Variants in ZNF853 observed in about 807,000 individuals in gnomAD.
ZNF853 encodes the protein zinc finger protein 853.
Under a neutral mutation model 94.7 loss-of-function variants are expected in ZNF853, and 57 were observed. That is an observed-to-expected ratio of 0.60 (90% CI 0.49 to 0.75). The LOEUF is 0.75. Among genes scored for constraint, ZNF853 ranks in the 30% least tolerant of loss-of-function variants. The pLI is 0.00. For missense variants in ZNF853, 785 were observed against 868.9 expected (o/e 0.90, Z 1.21); for synonymous variants, 448 against 406.3 (o/e 1.10, Z -1.23).
At chr7:6,616,773 G>C in intron 1 of ZNF853, among the ~76,000 whole-genome samples, 1 of 151,670 alleles carries the variant, frequency 6.6e-6, no homozygotes, top group Admixed American at 6.6e-5. Context: ...AAAAAGAATT[G>C]AAGGAGGCAG....
chr7:6,617,579 T>C, intron 2 of ZNF853: 38 of 985,166 alleles, frequency 3.9e-5, no homozygotes, highest in Non-Finnish European at 4.5e-5. Context: ...CTGTGTTTCC[T>C]GGCAGCCAGA....
chr7:6,623,038 G>A lies in ZNF853; in HGVS notation c.*67G>A. On this transcript the variant is annotated 3_prime_UTR_variant, in exon 3 of 3. Transcript: ENST00000457543. ...CCCGCCTCCACCTGAAAAGCTCCTT[G>A]ACCCGGGTTCATGGGCGCTGGAGGC... 1 of 1,229,592 alleles carries A rather than the reference G, an allele frequency of 8.1e-7. No homozygotes were observed. Among genetic ancestry groups the A allele is most frequent in the Non-Finnish European group, 1.0e-6 (1 of 985,292 alleles). The allele number at this position is 1,229,592 out of a possible 1,614,324, so 76.2% of individuals were successfully genotyped here. A position where few individuals can be genotyped will look rare whatever the true frequency, so the allele number is the denominator to read the frequency against.
chr7:6,616,964 G>A, intron 1 of ZNF853, among the ~76,000 whole-genome samples: 1 of 152,214 alleles, frequency 6.6e-6, no homozygotes, highest in South Asian at 2.1e-4. Flanking sequence ...CTCTATGCAG[G>A]TGACAGCCTC....
In ZNF853 at chr7:6,621,527, CGCA is replaced by C; in HGVS notation, c.540_542del (p.Gln181del). The C allele has an allele frequency of 6.4e-7, 1 of 1,550,884 alleles. No individual in the cohort carries two copies. Among genetic ancestry groups the C allele is most frequent in the Non-Finnish European group, 8.7e-7 (1 of 1,146,746 alleles). ...CAGCAGCAGCAGGAGCAGTTACAGA[CGCA>C]GCAAGCACAAGAGCAACAGGTATTG... On this transcript the variant is annotated inframe_deletion, in exon 3 of 3. Coordinates refer to ENST00000457543, the MANE Select transcript of ZNF853 (RefSeq NM_017560.3).
In ZNF853 at chr7:6,623,308, G is replaced by A; in HGVS notation, c.*337G>A. On this transcript the variant is annotated 3_prime_UTR_variant, in exon 3 of 3. Transcript: ENST00000457543. ...AACGAGGAAAAACCCCCAGTGGCGA[G>A]ACGATTAATGACACTGGCCGAGGAC... is the stretch of plus-strand genomic sequence containing the variant. 2.5e-6 allele frequency: 1 copy of A among 398,588 alleles called. No individual in the cohort carries two copies. Among genetic ancestry groups the A allele is most frequent in the Middle Eastern group, 6.3e-4 (1 of 1,588 alleles). 24.7% of individuals were successfully genotyped at this position (398,588 alleles called of 1,614,324 possible). A position where few individuals can be genotyped will look rare whatever the true frequency, so the allele number is the denominator to read the frequency against.
At position 6,621,609 on chromosome 7, in the gene ZNF853, A is replaced by G. The variant is rs1782607710; in HGVS notation, c.618A>G (p.Gln206=). The G allele has an allele frequency of 6.4e-7, 1 of 1,551,338 alleles. No individual in the cohort carries two copies. Among genetic ancestry groups the G allele is most frequent in the African/African-American group, 1.4e-5 (1 of 73,150 alleles). ...TGCAAGAGCAACAGCTGTTACAGCA[A>G]CAGCAGGAACAGTTACAGCAGCAGC... ...QQVQEQQLLQ[Q]QQEQLQQQQL... Residue 206 remains glutamine, a synonymous_variant, in exon 3 of 3, where the codon CAA becomes CAG. Coordinates refer to ENST00000457543, the MANE Select transcript of ZNF853 (RefSeq NM_017560.3).
At chr7:6,617,948 G>A in intron 2 of ZNF853, among the ~76,000 whole-genome samples, 36 of 152,114 alleles carry the variant, frequency 2.4e-4, no homozygotes, top group African/African-American at 8.7e-4. Flanking sequence ...GGGCGGGACA[G>A]AGCTTGAAAA....
At chr7:6,617,797 C>G in intron 2 of ZNF853, 1 of 266,220 alleles carries the variant, frequency 3.8e-6, no homozygotes, top group Non-Finnish European at 5.8e-6. Context: ...ACCTGATGCC[C>G]AGGGGCAGAT....
At position 6,621,315 on chromosome 7, in the gene ZNF853, G is replaced by A; in HGVS notation, c.324G>A (p.Gln108=). Residue 108 remains glutamine, a synonymous_variant, in exon 3 of 3, where the codon CAG becomes CAA. Coordinates refer to ENST00000457543, the MANE Select transcript of ZNF853 (RefSeq NM_017560.3). ...PEPQQQPQHE[Q]LQQPQPHLEL... ...CGCAGCAACAGCCGCAACACGAGCA[G>A]CTGCAACAGCCGCAGCCACACCTAG... 6.4e-7 allele frequency: 1 copy of A among 1,551,402 alleles called. No homozygotes were observed. The highest frequency in any genetic ancestry group is 1.2e-5 in the South Asian group (1 of 84,058).
Position 6,623,334 on chromosome 7 carries a change from T to G in ZNF853, c.*363T>G. The G allele has an allele frequency of 2.5e-6, 1 of 398,536 alleles. No homozygotes were observed. The highest frequency in any genetic ancestry group is 4.4e-6 in the Non-Finnish European group (1 of 226,050). The allele number at this position is 398,536 out of a possible 1,614,324, so 24.7% of individuals were successfully genotyped here. Reference sequence around the variant, plus strand: ...ACGATTAATGACACTGGCCGAGGACTGGACACCCACCAGGGAATCAAGACG... The same window carrying G: ...ACGATTAATGACACTGGCCGAGGACGGGACACCCACCAGGGAATCAAGACG... On this transcript the variant is annotated 3_prime_UTR_variant, in exon 3 of 3. Transcript: ENST00000457543.
chr7:6,622,437 C>A lies in ZNF853; in HGVS notation c.1446C>A (p.Asp482Glu). Reference sequence around the variant, plus strand: ...AGCGGCGGCGGCGGCGCGCTCGGGACCGGCCGACCATCTGCGGGGAGTGCG... The same window carrying A: ...AGCGGCGGCGGCGGCGCGCTCGGGAACGGCCGACCATCTGCGGGGAGTGCG... The part of the protein sequence containing the change: ...ARQRRRRRAR[D>E]RPTICGECGK... Residue 482 changes from aspartate (D) to glutamate (E), a missense_variant, in exon 3 of 3, where the codon GAC becomes GAA. Physicochemically the swap from Asp to Glu is conservative, Grantham distance 45 (BLOSUM62 2). Transcript: ENST00000457543. The A allele has an allele frequency of 6.8e-7, 1 of 1,467,044 alleles. No individual in the cohort carries two copies. Among genetic ancestry groups the A allele is most frequent in the Non-Finnish European group, 9.0e-7 (1 of 1,117,048 alleles). 90.9% of individuals were successfully genotyped at this position (1,467,044 alleles called of 1,614,324 possible).
Position 6,615,937 on chromosome 7 carries a change from C to T in ZNF853, c.-238C>T. ...CGCCCCAGCCCCCGCCGGAGAGTCT[C>T]CACCAACTTCTGCTCGGCCGCTCCT... On this transcript the variant is annotated 5_prime_UTR_variant, in exon 1 of 3. Coordinates refer to ENST00000457543, the MANE Select transcript of ZNF853 (RefSeq NM_017560.3). This position sits in a 1 kb window ranked among gnomAD's most constrained non-coding sequence, Gnocchi z 8.5. The T allele has an allele frequency of 2.3e-6, 1 of 431,336 alleles. No homozygotes were observed. The highest frequency in any genetic ancestry group is 2.1e-5 in the African/African-American group (1 of 48,452). The allele number at this position is 431,336 out of a possible 1,614,324, so 26.7% of individuals were successfully genotyped here.
chr7:6,622,080 G>A lies in ZNF853; in HGVS notation c.1089G>A (p.Glu363=), dbSNP rs1333695912. ...EQRQLQLKLQ[E]ELQQLEQQLE... is the part of the protein sequence containing the mutation. Reference sequence around the variant, plus strand: ...GGCAGCTGCAGCTCAAACTGCAGGAGGAGCTGCAGCAGCTGGAGCAACAGC... The same window carrying A: ...GGCAGCTGCAGCTCAAACTGCAGGAAGAGCTGCAGCAGCTGGAGCAACAGC... The change falls in exon 3 of 3, where the codon GAG becomes GAA. Residue 363 remains glutamate (E), a synonymous_variant. Coordinates refer to ENST00000457543, the MANE Select transcript of ZNF853 (RefSeq NM_017560.3). 6.8e-5 allele frequency: 105 copies of A among 1,546,930 alleles called. No individual in the cohort carries two copies. Among genetic ancestry groups the A allele is most frequent in the Non-Finnish European group, 1.8e-5 (21 of 1,146,710 alleles).
chr7:6,617,391 C>G, intron 2 of ZNF853, 84 bp downstream of exon 2: 3 of 1,091,112 alleles, frequency 2.7e-6, no homozygotes, highest in Non-Finnish European at 3.7e-6. Context: ...GGGCAGCCTG[C>G]ACAGACTCAC....
At chr7:6,616,594 G>C in intron 1 of ZNF853, among the ~76,000 whole-genome samples, 1 of 152,126 alleles carries the variant, frequency 6.6e-6, no homozygotes, top group Non-Finnish European at 1.5e-5. Context: ...AATTAGCTGG[G>C]GGTGATGGCA....
At chr7:6,618,710 A>AAAAC in intron 2 of ZNF853, among the ~76,000 whole-genome samples, 118 of 152,238 alleles carry the variant, frequency 7.8e-4, no homozygotes, top group African/African-American at 2.2e-3. Flanking sequence ...GATCCTGTTT[A>AAAAC]AAACAAACAA....
Position 6,623,010 on chromosome 7 carries a change from C to G in ZNF853, c.*39C>G. 2 of 1,237,830 alleles carry G rather than the reference C, an allele frequency of 1.6e-6. No homozygotes were observed. The highest frequency in any genetic ancestry group is 2.0e-6 in the Non-Finnish European group (2 of 991,582). 76.7% of individuals were successfully genotyped at this position (1,237,830 alleles called of 1,614,324 possible). On this transcript the variant is annotated 3_prime_UTR_variant, in exon 3 of 3. Transcript: ENST00000457543. ...GGCTGCCTGGCCGGGAGGGGACCCC[C>G]CACCCGCCTCCACCTGAAAAGCTCC...
rs1782662254 is a variant in ZNF853 at position 6,622,804 on chromosome 7, C to T, written c.1813C>T (p.Arg605Cys). ...RPYVCEDCGE[R>C]FRHKVQIRRH... ...CTACGTGTGCGAGGACTGTGGCGAG[C>T]GCTTCCGACACAAGGTGCAGATCCG... Residue 605 changes from arginine to cysteine, a missense_variant, in exon 3 of 3, where the codon CGC becomes TGC. Physicochemically the swap from Arg to Cys is radical, Grantham distance 180. Coordinates refer to ENST00000457543, the MANE Select transcript of ZNF853 (RefSeq NM_017560.3). The T allele has an allele frequency of 2.6e-6, 4 of 1,533,360 alleles. No homozygotes were observed. Among genetic ancestry groups the T allele is most frequent in the Non-Finnish European group, 3.5e-6 (4 of 1,144,094 alleles). 95.0% of individuals were successfully genotyped at this position (1,533,360 alleles called of 1,614,324 possible).
chr7:6,620,579 C>CCTTCCCTTCCTTCCCTTT, intron 2 of ZNF853, among the ~76,000 whole-genome samples: 1 of 151,772 alleles, frequency 6.6e-6, no homozygotes, highest in Non-Finnish European at 1.5e-5. Flanking sequence ...TCCTTCCCTT[C>CCTTCCCTTCCTTCCCTTT]CTTCCCTTTC....
Sources: allele counts gnomAD v4.1 joint callset (sites outside exome capture counted in the v4.1 genomes callset), GRCh38; gene constraint gnomAD v4.1.1; non-coding constraint Gnocchi (gnomAD v3.1); transcripts MANE v1.5; gene names NCBI Gene and HGNC (gene_info 2026-07-23, HGNC 2026-07-21).